Variants in CATSPER3 observed in about 807,000 individuals in gnomAD.
The protein encoded by CATSPER3 is cation channel sperm associated 3, also known as cation channel sperm-associated protein 3.
In CATSPER3, 23 loss-of-function variants were observed where a neutral mutation model predicts 36.6. The observed-to-expected ratio is 0.63, with a 90% confidence interval of 0.45 to 0.89. The LOEUF (loss-of-function observed/expected upper bound fraction) is 0.89, where lower values mean the gene tolerates loss of function less well. Among genes scored for constraint, CATSPER3 ranks in the 40% least tolerant of loss-of-function variants. The pLI is 0.00. For missense variants in CATSPER3, 474 were observed against 503.9 expected (o/e 0.94, Z 0.57); for synonymous variants, 172 against 184.1 (o/e 0.93, Z 0.53).
intron 7 of CATSPER3, 43 bp downstream of exon 7, chr5:135,010,573 C>A: frequency 6.3e-7 from 1 of 1,589,236 alleles, no homozygotes; most frequent in Non-Finnish European, 8.6e-7. Context: ...AGGGCTTCCT[C>A]GAGGTTGGGC....
chr5:135,001,748 G>A (rs1435055382), intron 3 of CATSPER3, among the ~76,000 whole-genome samples: 4 of 152,030 alleles, frequency 2.6e-5, no homozygotes, highest in Admixed American at 6.6e-5. Context: ...ATCTTTGTTG[G>A]TTTAAAGTCT....
At chr5:134,977,843 G>A (rs907212369) in intron 2 of CATSPER3, among the ~76,000 whole-genome samples, 5 of 152,122 alleles carry the variant, frequency 3.3e-5, no homozygotes, top group African/African-American at 9.7e-5. Context: ...TTTTGGTGAG[G>A]GTCCCAGGAA....
At chr5:135,004,582 G>T (rs1752061569) in intron 3 of CATSPER3, among the ~76,000 whole-genome samples, 1 of 152,188 alleles carries the variant, frequency 6.6e-6, no homozygotes, top group South Asian at 2.1e-4. Context: ...GTGTAATCTG[G>T]TTTTTCCAGG....
In CATSPER3 at chr5:134,994,224, G is replaced by A. The variant is rs557597658; in HGVS notation, c.253-2049G>A. 1.9e-3 allele frequency among the ~76,000 whole-genome samples: 285 copies of A among 152,348 alleles called. 2 individuals are homozygous for A. Among genetic ancestry groups the A allele is most frequent in the Non-Finnish European group, 3.2e-3 (220 of 68,036 alleles). ...CAGGCAAAGCATTAGGATTCAAAATGTATAAAGATGTCTTCCTGATCAATA... is the reference window on the plus strand; with the variant it reads ...CAGGCAAAGCATTAGGATTCAAAATATATAAAGATGTCTTCCTGATCAATA... On this transcript the variant is annotated intron_variant, in intron 2 of 7. Coordinates refer to ENST00000282611, the MANE Select transcript of CATSPER3 (RefSeq NM_178019.3).
intron 2 of CATSPER3, among the ~76,000 whole-genome samples, chr5:134,981,288 C>CGAGACCAGCCTGGCCAACATGGT (rs2149547331): frequency 6.6e-6 from 1 of 152,120 alleles, no homozygotes; most frequent in Non-Finnish European, 1.5e-5. Context: ...GTCATGAGTT[C>CGAGACCAGCCTGGCCAACATGGT]GAGACCAGCC....
At chr5:135,005,038 A>G (rs906377660) in intron 3 of CATSPER3, among the ~76,000 whole-genome samples, 2 of 152,046 alleles carry the variant, frequency 1.3e-5, no homozygotes, top group African/African-American at 2.4e-5. Context: ...GGGCTGAGGA[A>G]AAGGAGACCC....
intron 2 of CATSPER3, among the ~76,000 whole-genome samples, chr5:134,986,730 T>A (rs1260156981): frequency 1.3e-5 from 2 of 152,214 alleles, no homozygotes; most frequent in Admixed American, 6.5e-5. Context: ...CCCAAAGTGC[T>A]GGGATTATAG....
Position 135,008,121 on chromosome 5 carries a change from C to A in CATSPER3, c.657C>A (p.Thr219=), listed in dbSNP as rs1248613372. The change falls in exon 4 of 8, where the codon ACC becomes ACA. Residue 219 remains threonine, a synonymous_variant. Transcript: ENST00000282611. ...NWGNLAAAFF[T]LFSLATVDGW... Reference sequence around the variant, plus strand: ...GGAACCTGGCTGCAGCTTTTTTCACCCTCTTCAGCTTGGCCACGGTACTGT... The same window carrying A: ...GGAACCTGGCTGCAGCTTTTTTCACACTCTTCAGCTTGGCCACGGTACTGT... The A allele has an allele frequency of 3.7e-6, 6 of 1,613,896 alleles. No homozygotes were observed. The highest frequency in any genetic ancestry group is 5.1e-6 in the Non-Finnish European group (6 of 1,179,976).
intron 2 of CATSPER3, among the ~76,000 whole-genome samples, chr5:134,995,406 C>T (rs989883803): frequency 5.9e-5 from 9 of 152,078 alleles, no homozygotes; most frequent in Non-Finnish European, 1.0e-4. Flanking sequence ...TGGTTGCTTC[C>T]ATCTTTTCTA....
rs1175696844 is a variant in CATSPER3 at position 134,969,591 on chromosome 5, G to A, written c.99-348G>A. On this transcript the variant is annotated intron_variant, in intron 1 of 7. Coordinates refer to ENST00000282611, the MANE Select transcript of CATSPER3 (RefSeq NM_178019.3). The stretch of plus-strand genomic sequence containing the variant: ...GGCAATATTTAGTCTTGCTGTCACT[G>A]TGTTCCCAGTGCCTACTAGATTGCT... The A allele has an allele frequency of 9.2e-6, 3 of 326,316 alleles. No homozygotes were observed. The Admixed American group carries it at 1.3e-4, about 15-fold the overall frequency. 20.2% of individuals were successfully genotyped at this position (326,316 alleles called of 1,614,324 possible).
chr5:135,000,477 A>G (rs1580912840), intron 3 of CATSPER3, among the ~76,000 whole-genome samples: 1 of 151,790 alleles, frequency 6.6e-6, no homozygotes, highest in African/African-American at 2.4e-5. Flanking sequence ...ATCAATTGGA[A>G]TAGTTTCAGA....
chr5:135,002,808 T>A (rs1426771380), intron 3 of CATSPER3, among the ~76,000 whole-genome samples: 1 of 152,162 alleles, frequency 6.6e-6, no homozygotes, highest in African/African-American at 2.4e-5. Context: ...CTCCGTCAGG[T>A]CATTTAAGGC....
At chr5:135,004,746 G>A (rs796953018) in intron 3 of CATSPER3, among the ~76,000 whole-genome samples, 120 of 152,272 alleles carry the variant, frequency 7.9e-4, no homozygotes, top group African/African-American at 2.8e-3. Context: ...TGAGTCTGGA[G>A]GCAGAGACTT....
At chr5:134,993,083 T>C (rs1751897758) in intron 2 of CATSPER3, among the ~76,000 whole-genome samples, 1 of 152,210 alleles carries the variant, frequency 6.6e-6, no homozygotes, top group Admixed American at 6.5e-5. Flanking sequence ...TAAAAAGGAA[T>C]AGAATTCTAT....
In CATSPER3 at chr5:134,998,913, G is replaced by C. The variant is rs570130329; in HGVS notation, c.492+2401G>C. On this transcript the variant is annotated intron_variant, in intron 3 of 7. Coordinates refer to ENST00000282611, the MANE Select transcript of CATSPER3 (RefSeq NM_178019.3). Reference sequence around the variant, plus strand: ...TCTTTTGCTGTGCAGAAGCTCTTTAGTTTCATTAGATCCCATTAGTCAATT... The same window carrying C: ...TCTTTTGCTGTGCAGAAGCTCTTTACTTTCATTAGATCCCATTAGTCAATT... Among the ~76,000 whole-genome samples the C allele has an allele frequency of 2.0e-3, 309 of 152,262 alleles. 1 individual carries two copies. Among genetic ancestry groups the C allele is most frequent in the African/African-American group, 6.7e-3 (277 of 41,560 alleles).
At chr5:134,990,104 A>C (rs995031782) in intron 2 of CATSPER3, among the ~76,000 whole-genome samples, 1 of 152,160 alleles carries the variant, frequency 6.6e-6, no homozygotes, top group Non-Finnish European at 1.5e-5. Flanking sequence ...TGCCATCCCA[A>C]GCAATTAAAA....
At chr5:134,975,415 TAGTG>T (rs1751661350) in intron 2 of CATSPER3, 1 of 152,290 alleles carries the variant, frequency 6.6e-6, no homozygotes, top group Admixed American at 6.6e-5. Flanking sequence ...CCAGGCAACA[TAGTG>T]AGACCCTGTC....
intron 2 of CATSPER3, among the ~76,000 whole-genome samples, chr5:134,978,931 C>G (rs995293813): frequency 1.3e-4 from 19 of 151,952 alleles, no homozygotes; most frequent in African/African-American, 4.6e-4. Flanking sequence ...ACCATGTTAG[C>G]CAGGATGGTC....
chr5:135,006,050 T>C (rs1752082152), intron 3 of CATSPER3, among the ~76,000 whole-genome samples: 1 of 152,086 alleles, frequency 6.6e-6, no homozygotes, highest in African/African-American at 2.4e-5. Flanking sequence ...GAATTCAAAA[T>C]CACACATCCA....
Sources: gnomAD v4.1 joint callset for allele counts (sites outside exome capture counted in the v4.1 genomes callset) on GRCh38, gnomAD v4.1.1 for gene constraint, MANE v1.5 for transcripts, NCBI Gene and HGNC (gene_info 2026-07-23, HGNC 2026-07-21) for gene names.